Variants in CATSPERB observed in about 807,000 individuals in gnomAD.
The protein encoded by CATSPERB is catsper channel auxiliary subunit beta, also known as cation channel sperm-associated auxiliary subunit beta.
A neutral mutation model predicts 128.3 loss-of-function variants in CATSPERB; 93 were observed. The observed-to-expected ratio is 0.72, with a 90% CI of 0.61 to 0.86. The LOEUF (loss-of-function observed/expected upper bound fraction) is 0.86, where lower values mean the gene tolerates loss of function less well. Ranked by LOEUF, CATSPERB falls within the 40% of genes least tolerant of loss-of-function variation. The probability of loss-of-function intolerance (pLI) is 0.00; values close to 1 mark genes in which losing one functional copy is unlikely to be tolerated. For synonymous variants in CATSPERB, 381 were observed against 448.8 expected, an observed-to-expected ratio of 0.85 and a Z score of 1.91; for missense variants, 1,153 against 1,329.5, an observed-to-expected ratio of 0.87 and a Z score of 2.06.
intron 5 of CATSPERB, among the ~76,000 whole-genome samples, chr14:91,716,079 T>G (rs1895932705): frequency 6.6e-6 from 1 of 152,166 alleles, no homozygotes; most frequent in Non-Finnish European, 1.5e-5. Flanking sequence ...TAAATTAGCC[T>G]TCAGCAAAAT....
intron 1 of CATSPERB, among the ~76,000 whole-genome samples, chr14:91,730,259 G>C (rs1896190923): frequency 6.6e-6 from 1 of 152,166 alleles, no homozygotes; most frequent in Non-Finnish European, 1.5e-5. Flanking sequence ...TTTGGACATA[G>C]GCAGGGTGAA....
intron 14 of CATSPERB, 53 bp from the exon 15 acceptor site, chr14:91,660,034 G>A: frequency 6.7e-7 from 1 of 1,496,074 alleles, no homozygotes; most frequent in Non-Finnish European, 8.9e-7. Flanking sequence ...GCAACAGTTG[G>A]CAGTTACCTA....
intron 13 of CATSPERB, among the ~76,000 whole-genome samples, chr14:91,672,388 C>A (rs1895113274): frequency 6.6e-6 from 1 of 152,178 alleles, no homozygotes; most frequent in African/African-American, 2.4e-5. Context: ...TGGCCTCAAG[C>A]CTCCTGCCTC....
chr14:91,711,853 G>T (rs964178263), intron 5 of CATSPERB, among the ~76,000 whole-genome samples: 1 of 152,146 alleles, frequency 6.6e-6, no homozygotes, highest in Non-Finnish European at 1.5e-5. Context: ...AAATTAAATT[G>T]CTATCACATG....
At chr14:91,684,399 A>G (rs1895339414) in intron 10 of CATSPERB, among the ~76,000 whole-genome samples, 1 of 152,216 alleles carries the variant, frequency 6.6e-6, no homozygotes, top group South Asian at 2.1e-4. Flanking sequence ...TATATTGAAT[A>G]TGTTGGATAT....
intron 13 of CATSPERB, among the ~76,000 whole-genome samples, chr14:91,670,572 C>T (rs1179862889): frequency 6.6e-6 from 1 of 151,874 alleles, no homozygotes; most frequent in Non-Finnish European, 1.5e-5. Flanking sequence ...GTCCCAGCTA[C>T]TAATCAGGCT....
At chr14:91,591,868 T>C (rs755844622) in intron 23 of CATSPERB, 24 bp downstream of exon 23, 153 of 1,457,308 alleles carry the variant, frequency 1.0e-4, no homozygotes, top group Middle Eastern at 5.2e-4. Flanking sequence ...TATCCTGTAT[T>C]CAGGTAATTA....
chr14:91,707,408 C>T (rs1276565393), intron 6 of CATSPERB, among the ~76,000 whole-genome samples: 1 of 151,934 alleles, frequency 6.6e-6, no homozygotes, highest in South Asian at 2.1e-4. Context: ...CTATCAGAGT[C>T]CCAAAGACAG....
intron 16 of CATSPERB, among the ~76,000 whole-genome samples, chr14:91,638,283 C>T (rs1270213185): frequency 2.0e-5 from 3 of 152,054 alleles, no homozygotes; most frequent in Non-Finnish European, 1.5e-5. Flanking sequence ...TTATAAAAAC[C>T]GGTATCAAGT....
At chr14:91,661,199 T>C (rs1894875241) in intron 14 of CATSPERB, among the ~76,000 whole-genome samples, 1 of 152,122 alleles carries the variant, frequency 6.6e-6, no homozygotes, top group African/African-American at 2.4e-5. Context: ...CCTTGAACAA[T>C]AGGCTCGAAC....
intron 15 of CATSPERB, among the ~76,000 whole-genome samples, chr14:91,647,830 C>T (rs1351913871): frequency 6.6e-6 from 1 of 152,148 alleles, no homozygotes; most frequent in East Asian, 1.9e-4. Context: ...AACCATATCA[C>T]CAAGGTTTTG....
intron 15 of CATSPERB, among the ~76,000 whole-genome samples, chr14:91,650,418 A>C (rs995114973): frequency 5.9e-5 from 9 of 152,332 alleles, no homozygotes; most frequent in African/African-American, 2.2e-4. Context: ...TTCTTTTAGA[A>C]AATGAATACG....
chr14:91,594,129 A>G (rs1156667604), intron 22 of CATSPERB, among the ~76,000 whole-genome samples: 1 of 152,208 alleles, frequency 6.6e-6, no homozygotes, highest in Non-Finnish European at 1.5e-5. Context: ...CATATATACC[A>G]TGGAATACTA....
intron 7 of CATSPERB, 23 bp downstream of exon 7, chr14:91,704,529 A>C: frequency 6.3e-7 from 1 of 1,580,146 alleles, no homozygotes; most frequent in Non-Finnish European, 8.6e-7. Context: ...CAATGTCAAC[A>C]TTTAATGAAG....
At chr14:91,719,731 A>C (rs1895998388) in intron 4 of CATSPERB, among the ~76,000 whole-genome samples, 1 of 152,214 alleles carries the variant, frequency 6.6e-6, no homozygotes, top group Non-Finnish European at 1.5e-5. Flanking sequence ...TCAGTTATGT[A>C]TAATATAGCC....
Position 91,725,070 on chromosome 14 carries a change from TG to T in CATSPERB, c.168+9del. 1 of 1,477,300 alleles carries T rather than the reference TG, an allele frequency of 6.8e-7. No individual in the cohort carries two copies. The highest frequency in any genetic ancestry group is 9.3e-7 in the Non-Finnish European group (1 of 1,080,486). The allele number at this position is 1,477,300 out of a possible 1,614,324, so 91.5% of individuals were successfully genotyped here. A position where few individuals can be genotyped will look rare whatever the true frequency, so the allele number is the denominator to read the frequency against. On this transcript the variant is annotated intron_variant, in intron 3 of 26. Coordinates refer to ENST00000256343, the MANE Select transcript of CATSPERB (RefSeq NM_024764.4). ...GAAGGGTTATAACACATGCTATTAG[TG>T]GACCTTACCAAGTTTTCTAAGAAAA...
At chr14:91,724,764 CTA>C (rs1206192453) in intron 3 of CATSPERB, among the ~76,000 whole-genome samples, 1 of 152,060 alleles carries the variant, frequency 6.6e-6, no homozygotes, top group Non-Finnish European at 1.5e-5. Context: ...CTTTCCTTCT[CTA>C]ATAGGCTACA....
intron 4 of CATSPERB, 30 bp downstream of exon 4, chr14:91,723,019 A>T (rs758375614): frequency 1.4e-5 from 20 of 1,446,972 alleles, no homozygotes; most frequent in Non-Finnish European, 1.6e-5. Flanking sequence ...TGTTAATAAC[A>T]TATCACAGAG....
intron 10 of CATSPERB, among the ~76,000 whole-genome samples, chr14:91,684,656 C>T (rs944802032): frequency 6.7e-6 from 1 of 148,844 alleles, no homozygotes; most frequent in African/African-American, 2.5e-5. Context: ...ACTCTGTTGC[C>T]CAGGCTGGAG....
Sources: gnomAD v4.1 joint callset for allele counts (sites outside exome capture counted in the v4.1 genomes callset) on GRCh38, gnomAD v4.1.1 for gene constraint, MANE v1.5 for transcripts, NCBI Gene and HGNC (gene_info 2026-07-23, HGNC 2026-07-21) for gene names.